The following GXYLT2 variants were observed in gnomAD, a reference collection of about 807,000 sequenced individuals.
The protein encoded by GXYLT2 is glycosyltransferase 8 domain containing 4.
GXYLT2 carries 53 observed loss-of-function variants against 45.8 expected under a neutral mutation model. The observed-to-expected ratio is 1.16, with a 90% CI of 0.93 to 1.46. The LOEUF is 1.46. Ranked by LOEUF, GXYLT2 falls within the 40% of genes most tolerant of loss-of-function variation. The pLI is 0.00. For missense variants in GXYLT2, 551 were observed against 544.4 expected (o/e 1.01, Z -0.12); for synonymous variants, 219 against 214.2 (o/e 1.02, Z -0.19).
At position 72,976,656 on chromosome 3, in the gene GXYLT2, T is replaced by C. The variant is rs1711109659; in HGVS notation, c.*1497T>C. The C allele has an allele frequency of 1.3e-5, 2 of 152,236 alleles. No individual in the cohort carries two copies. The highest frequency in any genetic ancestry group is 4.1e-4 in the South Asian group (2 of 4,838). The allele number at this position is 152,236 out of a possible 1,614,324, so 9.4% of individuals were successfully genotyped here. On this transcript the variant is annotated 3_prime_UTR_variant, in exon 7 of 7. Coordinates refer to ENST00000389617, the MANE Select transcript of GXYLT2 (RefSeq NM_001080393.2). Reference sequence around the variant, plus strand: ...GCTTAATCCCTAGTTGCTCATATAGTTGGTATCAGCATAGCAATATTTTGC... The same window carrying C: ...GCTTAATCCCTAGTTGCTCATATAGCTGGTATCAGCATAGCAATATTTTGC...
At chr3:72,892,802 T>A (rs1309886509) in intron 1 of GXYLT2, among the ~76,000 whole-genome samples, 1 of 152,204 alleles carries the variant, frequency 6.6e-6, no homozygotes, top group East Asian at 1.9e-4. Context: ...GGATCTTGAG[T>A]ACCATCTATG....
chr3:72,972,640 C>CA, intron 6 of GXYLT2, among the ~76,000 whole-genome samples: 1 of 30,496 alleles, frequency 3.3e-5, no homozygotes, highest in South Asian at 1.5e-3. Flanking sequence ...GACTCTGTCT[C>CA]GGAAAAAAAA....
chr3:72,943,119 A>C (rs767356023), intron 3 of GXYLT2, among the ~76,000 whole-genome samples: 1 of 152,206 alleles, frequency 6.6e-6, no homozygotes, highest in Non-Finnish European at 1.5e-5. Flanking sequence ...AGCTTTGACA[A>C]CACATTTTAC....
chr3:72,971,612 A>T (rs1710986029), intron 6 of GXYLT2, among the ~76,000 whole-genome samples: 1 of 152,200 alleles, frequency 6.6e-6, no homozygotes. Flanking sequence ...GATAGTCTTT[A>T]TGCTTTTAGT....
chr3:72,918,771 T>C (rs1449513729), intron 2 of GXYLT2, among the ~76,000 whole-genome samples: 1 of 151,916 alleles, frequency 6.6e-6, no homozygotes, highest in African/African-American at 2.4e-5. Context: ...GAGAGTGCAG[T>C]GAGCTGAGAT....
chr3:72,926,554 A>G (rs576781397), intron 3 of GXYLT2, among the ~76,000 whole-genome samples: 3 of 152,374 alleles, frequency 2.0e-5, no homozygotes, highest in African/African-American at 7.2e-5. Flanking sequence ...AGTACAGGCC[A>G]GAAATCCTTT....
rs913580679 is a variant in GXYLT2 at position 72,904,016 on chromosome 3, C to T, written c.276-4351C>T. ...CTGCTTTTCCACTGTGATAAGCTGA[C>T]TCCTGTTCAGGCTGTACCAGCATGG... On this transcript the variant is annotated intron_variant, in intron 1 of 6. Transcript: ENST00000389617. Among the ~76,000 whole-genome samples the T allele has an allele frequency of 6.6e-5, 10 of 152,226 alleles. No individual in the cohort carries two copies. The South Asian group carries it at 8.3e-4, about 13-fold the overall frequency.
intron 6 of GXYLT2, among the ~76,000 whole-genome samples, chr3:72,970,972 G>C (rs1259713443): frequency 1.3e-5 from 2 of 152,224 alleles, no homozygotes; most frequent in East Asian, 3.8e-4. Flanking sequence ...TCAAAGGCCA[G>C]GTGATTTAAT....
Position 72,928,975 on chromosome 3 carries a change from T to C in GXYLT2, c.600+6640T>C, listed in dbSNP as rs553198549. On this transcript the variant is annotated intron_variant, in intron 3 of 6. Coordinates refer to ENST00000389617, the MANE Select transcript of GXYLT2 (RefSeq NM_001080393.2). Reference sequence around the variant, plus strand: ...CGTCACCACTTCACCGCGCCCTCGGTACCGCCCCAAGGCCCGCCGCCGCTC... The same window carrying C: ...CGTCACCACTTCACCGCGCCCTCGGCACCGCCCCAAGGCCCGCCGCCGCTC... 7.2e-4 allele frequency: 684 copies of C among 950,654 alleles called. 2 individuals carry two copies. The African/African-American group carries it at 8.3e-3, about 12-fold the overall frequency. 58.9% of individuals were successfully genotyped at this position (950,654 alleles called of 1,614,324 possible). A position where few individuals can be genotyped will look rare whatever the true frequency, so the allele number is the denominator to read the frequency against.
At chr3:72,949,269 CCTCT>C (rs1011995918) in intron 3 of GXYLT2, among the ~76,000 whole-genome samples, 6 of 152,146 alleles carry the variant, frequency 3.9e-5, no homozygotes, top group African/African-American at 1.4e-4. Context: ...TTTGCCATGC[CCTCT>C]CTTTTCACAT....
At chr3:72,934,915 A>G (rs1710148949) in intron 3 of GXYLT2, among the ~76,000 whole-genome samples, 1 of 152,226 alleles carries the variant, frequency 6.6e-6, no homozygotes, top group Admixed American at 6.5e-5. Flanking sequence ...CTGACATGGA[A>G]GGATTCCCCA....
At chr3:72,959,106 CT>C (rs55680713) in intron 5 of GXYLT2, among the ~76,000 whole-genome samples, 213 of 59,982 alleles carry the variant, frequency 3.6e-3, no homozygotes, top group African/African-American at 7.7e-3. Flanking sequence ...CCACACCCAG[CT>C]TTTTTTTTTT....
chr3:72,970,784 C>T (rs1489201559), intron 6 of GXYLT2, among the ~76,000 whole-genome samples: 1 of 152,102 alleles, frequency 6.6e-6, no homozygotes. Flanking sequence ...ATCACTTGAA[C>T]CTGGGAAGCA....
intron 3 of GXYLT2, among the ~76,000 whole-genome samples, chr3:72,927,421 AG>A (rs1413084384): frequency 2.0e-5 from 3 of 152,248 alleles, no homozygotes; most frequent in Non-Finnish European, 4.4e-5. Context: ...GGCTTGTTAA[AG>A]AGACCGGTAA....
At chr3:72,960,041 G>T (rs1710739690) in intron 5 of GXYLT2, among the ~76,000 whole-genome samples, 1 of 152,154 alleles carries the variant, frequency 6.6e-6, no homozygotes, top group East Asian at 1.9e-4. Context: ...TGCCTCCTGG[G>T]TTCAAGCGAT....
In GXYLT2 at chr3:72,955,137, A is replaced by G. The variant is rs201401211; in HGVS notation, c.640A>G (p.Thr214Ala). Reference protein sequence around the residue: ...KDVDSLLYVDTDVLFLRPVDD... With the variant: ...KDVDSLLYVDADVLFLRPVDD... Reference sequence around the variant, plus strand: ...TGTGGACTCACTTCTCTACGTGGACACCGATGTCCTCTTTCTGAGACCTGT... The same window carrying G: ...TGTGGACTCACTTCTCTACGTGGACGCCGATGTCCTCTTTCTGAGACCTGT... The change falls in exon 4 of 7, where the codon ACC becomes GCC. Residue 214 changes from threonine (T) to alanine (A), a missense_variant. Thr to Ala is a moderately conservative substitution (Grantham distance 58). Transcript: ENST00000389617. 6.2e-7 allele frequency: 1 copy of G among 1,613,940 alleles called. No individual in the cohort carries two copies. Among genetic ancestry groups the G allele is most frequent in the Non-Finnish European group, 8.5e-7 (1 of 1,179,848 alleles).
At chr3:72,898,292 A>G (rs1559725239) in intron 1 of GXYLT2, among the ~76,000 whole-genome samples, 1 of 152,144 alleles carries the variant, frequency 6.6e-6, no homozygotes, top group Non-Finnish European at 1.5e-5. Context: ...GTTCTTTTTC[A>G]GGAAATGAGA....
chr3:72,943,023 C>A (rs1375500191), intron 3 of GXYLT2, among the ~76,000 whole-genome samples: 1 of 152,314 alleles, frequency 6.6e-6, no homozygotes, highest in South Asian at 2.1e-4. Flanking sequence ...ACTTTTTACA[C>A]CTCTTCTGTA....
chr3:72,954,399 C>CTCTGTGTG (rs376700096), intron 3 of GXYLT2, among the ~76,000 whole-genome samples: 2 of 133,892 alleles, frequency 1.5e-5, no homozygotes, highest in African/African-American at 2.9e-5. Flanking sequence ...TGCTCCCAGC[C>CTCTGTGTG]TGTGTGTGTG....
Sources: allele counts gnomAD v4.1 joint callset (sites outside exome capture counted in the v4.1 genomes callset), GRCh38; gene constraint gnomAD v4.1.1; transcripts MANE v1.5; gene names NCBI Gene and HGNC (gene_info 2026-07-23, HGNC 2026-07-21).